Variants in GAP43 observed in about 807,000 individuals in gnomAD.
The protein encoded by GAP43 is neuromodulin.
In GAP43, 6 loss-of-function variants were observed where a neutral mutation model predicts 18.6. That is an observed-to-expected ratio of 0.32 (90% CI 0.18 to 0.64). The LOEUF is 0.64. GAP43 is among the 30% of genes least tolerant of loss of function. GAP43 has a pLI of 0.78. For synonymous variants in GAP43, 115 were observed against 111.4 expected, an observed-to-expected ratio of 1.03 and a Z score of -0.20; for missense variants, 292 against 295.5, an observed-to-expected ratio of 0.99 and a Z score of 0.09.
intron 2 of GAP43, among the ~76,000 whole-genome samples, chr3:115,711,924 A>G (rs909767409): frequency 6.6e-6 from 1 of 152,238 alleles, no homozygotes; most frequent in Admixed American, 6.5e-5. Context: ...ATTTAACTTA[A>G]TATATTTACT....
Position 115,632,013 on chromosome 3 carries a change from T to C in GAP43, c.30+8294T>C, listed in dbSNP as rs572173177. On this transcript the variant is annotated intron_variant, in intron 1 of 2. Transcript: ENST00000305124. The stretch of plus-strand genomic sequence containing the variant: ...GTGACAGAATTTAGATAAGCCAATA[T>C]TCAAAGTGTTACAAGACCCAAGGAT... Among the ~76,000 whole-genome samples, 11 of 152,324 alleles carry C rather than the reference T, an allele frequency of 7.2e-5. No individual in the cohort carries two copies. In the East Asian group the frequency reaches 1.7e-3, roughly 24 times the overall value.
At chr3:115,650,104 A>G (rs949688367) in intron 1 of GAP43, among the ~76,000 whole-genome samples, 4 of 152,150 alleles carry the variant, frequency 2.6e-5, no homozygotes, top group African/African-American at 9.7e-5. Context: ...GATGCTTGCA[A>G]ACGTCCAGGA....
intron 2 of GAP43, among the ~76,000 whole-genome samples, chr3:115,683,984 CA>C (rs1327361539): frequency 1.3e-5 from 2 of 152,104 alleles, no homozygotes; most frequent in Non-Finnish European, 2.9e-5. Context: ...GCAATCCTCA[CA>C]CTTATTTGTA....
rs1021331252 is a variant in GAP43 at position 115,720,988 on chromosome 3, G to A, written c.*106G>A. On this transcript the variant is annotated 3_prime_UTR_variant, in exon 3 of 3. Transcript: ENST00000305124. ...TGAAGTCCCTTCCTGTCCTGCTCAC[G>A]TCTGTGAGTCTGTCCTTTCCCACCC... 3 of 559,528 alleles carry A rather than the reference G, an allele frequency of 5.4e-6. No homozygotes were observed. The highest frequency in any genetic ancestry group is 3.9e-5 in the African/African-American group (2 of 51,292). 34.7% of individuals were successfully genotyped at this position (559,528 alleles called of 1,614,324 possible). A position where few individuals can be genotyped will look rare whatever the true frequency, so the allele number is the denominator to read the frequency against.
intron 2 of GAP43, among the ~76,000 whole-genome samples, chr3:115,718,959 G>C (rs980249363): frequency 1.3e-5 from 2 of 152,110 alleles, no homozygotes; most frequent in African/African-American, 4.8e-5. Context: ...ATTTTGATGA[G>C]CTCTTTTAAT....
At chr3:115,684,241 G>A (rs1390741899) in intron 2 of GAP43, among the ~76,000 whole-genome samples, 7 of 151,858 alleles carry the variant, frequency 4.6e-5, no homozygotes, top group African/African-American at 1.7e-4. Flanking sequence ...TGTTTTTCCA[G>A]TATGAGTTAG....
intron 1 of GAP43, among the ~76,000 whole-genome samples, chr3:115,675,715 C>T (rs1241483278): frequency 4.2e-5 from 6 of 143,946 alleles, no homozygotes; most frequent in Admixed American, 2.1e-4. Flanking sequence ...GCTGAGACCA[C>T]GCCATTGTAC....
chr3:115,719,451 A>G (rs1224600596), intron 2 of GAP43, among the ~76,000 whole-genome samples: 4 of 152,148 alleles, frequency 2.6e-5, no homozygotes, highest in Non-Finnish European at 4.4e-5. Context: ...GTTTATGCTG[A>G]ACATCTATTT....
intron 2 of GAP43, among the ~76,000 whole-genome samples, chr3:115,718,619 G>A (rs1709539771): frequency 6.6e-6 from 1 of 152,096 alleles, no homozygotes; most frequent in African/African-American, 2.4e-5. Context: ...AGCATCACTA[G>A]AATAGCTATA....
At chr3:115,660,492 A>G (rs1258863350) in intron 1 of GAP43, among the ~76,000 whole-genome samples, 2 of 152,244 alleles carry the variant, frequency 1.3e-5, no homozygotes, top group African/African-American at 4.8e-5. Flanking sequence ...AAACAGATCC[A>G]GAGAAGTGAA....
intron 1 of GAP43, among the ~76,000 whole-genome samples, chr3:115,670,188 T>A (rs2107486298): frequency 1.8e-5 from 2 of 109,516 alleles, no homozygotes; most frequent in Admixed American, 1.2e-4. Flanking sequence ...GATATTCCCC[T>A]TCCTGTGTCC....
intron 2 of GAP43, among the ~76,000 whole-genome samples, chr3:115,713,793 A>ACTTAGATCTTTATTGCTGT: frequency 6.6e-6 from 1 of 152,214 alleles, no homozygotes; most frequent in Non-Finnish European, 1.5e-5. Context: ...TGCAGAGATA[A>ACTTAGATCTTTATTGCTGT]CTTAGATCTT....
chr3:115,676,434 C>G lies in GAP43; in HGVS notation c.452C>G (p.Ser151Trp), dbSNP rs759584991. 2.5e-6 allele frequency: 4 copies of G among 1,613,952 alleles called. No homozygotes were observed. The highest frequency in any genetic ancestry group is 3.4e-6 in the Non-Finnish European group (4 of 1,179,910). Residue 151 changes from serine to tryptophan, a missense_variant, in exon 2 of 3, where the codon TCG becomes TGG. Physicochemically the swap from Ser to Trp is radical, Grantham distance 177. Transcript: ENST00000305124. ...GCCACTAAAGCTTCCACTGATAACT[C>G]GCCGTCCTCCAAGGCTGAAGATGCC... ...ESATKASTDN[S>W]PSSKAEDAPA...
chr3:115,625,346 A>T (rs1298266049), intron 1 of GAP43, among the ~76,000 whole-genome samples: 1 of 152,120 alleles, frequency 6.6e-6, no homozygotes, highest in African/African-American at 2.4e-5. Context: ...ACAGAGATTG[A>T]TGCTTCCATT....
At chr3:115,659,398 G>A (rs1708628594) in intron 1 of GAP43, among the ~76,000 whole-genome samples, 1 of 152,072 alleles carries the variant, frequency 6.6e-6, no homozygotes, top group Admixed American at 6.5e-5. Context: ...GAGGGTAAAC[G>A]AAGCAGGTGG....
intron 2 of GAP43, among the ~76,000 whole-genome samples, chr3:115,706,047 G>A (rs1026381214): frequency 6.6e-6 from 1 of 151,954 alleles, no homozygotes; most frequent in South Asian, 2.1e-4. Context: ...ATTTGAGAAC[G>A]CCCAGAAACG....
intron 2 of GAP43, among the ~76,000 whole-genome samples, chr3:115,691,560 G>A (rs368708049): frequency 2.6e-5 from 4 of 152,174 alleles, no homozygotes; most frequent in African/African-American, 9.7e-5. Context: ...CATTGTTCCT[G>A]TTCCTTTCAG....
At chr3:115,669,255 T>C (rs966126706) in intron 1 of GAP43, among the ~76,000 whole-genome samples, 2 of 152,242 alleles carry the variant, frequency 1.3e-5, no homozygotes, top group Non-Finnish European at 2.9e-5. Context: ...CTCTGCTTAC[T>C]AATTTCTATA....
At chr3:115,716,203 T>C (rs945527536) in intron 2 of GAP43, among the ~76,000 whole-genome samples, 1 of 152,206 alleles carries the variant, frequency 6.6e-6, no homozygotes, top group Admixed American at 6.5e-5. Flanking sequence ...CAGTCGACAT[T>C]ATTTATCACT....
Sources: allele counts gnomAD v4.1 joint callset (sites outside exome capture counted in the v4.1 genomes callset), GRCh38; gene constraint gnomAD v4.1.1; transcripts MANE v1.5; gene names NCBI Gene and HGNC (gene_info 2026-07-23, HGNC 2026-07-21).